ALOX15B: variants seen among roughly 807,000 people sequenced by gnomAD.
ALOX15B encodes polyunsaturated fatty acid lipoxygenase ALOX15B.
In ALOX15B, 74 loss-of-function variants were observed where a neutral mutation model predicts 73.8. That is an observed-to-expected ratio of 1.00 (90% CI 0.83 to 1.22). ALOX15B has a LOEUF of 1.22. Among genes scored for constraint, ALOX15B ranks in the 50% most tolerant of loss-of-function variants. The pLI, the probability that ALOX15B is intolerant of heterozygous loss-of-function variation, is 0.00. For missense variants in ALOX15B, 896 were observed against 859.9 expected, an observed-to-expected ratio of 1.04 and a Z score of -0.52; for synonymous variants, 353 against 357.2, an observed-to-expected ratio of 0.99 and a Z score of 0.13.
In ALOX15B at chr17:8,047,311, A is replaced by G. The variant is rs1976637791; in HGVS notation, c.1511A>G (p.Asp504Gly). Residue 504 changes from aspartate to glycine, a missense_variant, in exon 11 of 14, where the codon GAT (aspartate) becomes GGT (glycine). By Grantham distance (94) the Asp-to-Gly change is moderately conservative. Transcript: ENST00000380183. ...TACCCAAGTGATGAGTCTGTCCAAGATGACAGAGAGCTCCAGGCCTGGGTC... is the reference window on the plus strand; with the variant it reads ...TACCCAAGTGATGAGTCTGTCCAAGGTGACAGAGAGCTCCAGGCCTGGGTC... The part of the protein sequence containing the change: ...IYYPSDESVQ[D>G]DRELQAWVRE... 1.9e-6 allele frequency: 3 copies of G among 1,613,970 alleles called. No homozygotes were observed. Among genetic ancestry groups the G allele is most frequent in the East Asian group, 2.2e-5 (1 of 44,888 alleles).
Position 8,039,292 on chromosome 17 carries a change from C to T in ALOX15B, c.137C>T (p.Thr46Ile). The change falls in exon 1 of 14, where the codon ACT becomes ATT. Residue 46 changes from threonine (T) to isoleucine (I), a missense_variant. Physicochemically the swap from Thr to Ile is moderately conservative, Grantham distance 89. Transcript: ENST00000380183. Reference sequence around the variant, plus strand: ...CTGGACAATCTCGGCAAGGAGTTCACTGCGGGCGCTGTGAGTGCGTGGGAG... The same window carrying T: ...CTGGACAATCTCGGCAAGGAGTTCATTGCGGGCGCTGTGAGTGCGTGGGAG... ...LPLDNLGKEF[T>I]AGAEEDFQVT... The T allele has an allele frequency of 6.3e-7, 1 of 1,585,944 alleles. No individual in the cohort carries two copies.
At chr17:8,042,203 C>T (rs893108617) in intron 3 of ALOX15B, among the ~76,000 whole-genome samples, 166 bp from the exon 4 acceptor site, 6 of 152,206 alleles carry the variant, frequency 3.9e-5, no homozygotes, top group Admixed American at 2.0e-4. Flanking sequence ...TGGCAGCTCC[C>T]TTGCAGCCTC....
chr17:8,040,906 C>A (rs980236431), intron 3 of ALOX15B, among the ~76,000 whole-genome samples: 1 of 78,902 alleles, frequency 1.3e-5, no homozygotes, highest in Non-Finnish European at 3.5e-5. Context: ...GGAGTTGGGG[C>A]CGCTAGTGAG....
chr17:8,046,744 T>C lies in ALOX15B; in HGVS notation c.1277T>C (p.Val426Ala), dbSNP rs774141527. 1.3e-5 allele frequency: 21 copies of C among 1,613,628 alleles called. No homozygotes were observed. The highest frequency in any genetic ancestry group is 1.2e-5 in the Non-Finnish European group (14 of 1,179,888). The change falls in exon 9 of 14, where the codon GTG becomes GCG. Residue 426 changes from valine (V) to alanine (A), a missense_variant. Coordinates refer to ENST00000380183, the MANE Select transcript of ALOX15B (RefSeq NM_001141.3). Reference protein sequence around the residue: ...ARELLIVPGQVVDRSTGIGIE... With the variant: ...ARELLIVPGQAVDRSTGIGIE... ...GAGCTGCTTATCGTGCCAGGGCAGG[T>C]GGTGGACAGGGTGAGAGCTGTGTTG...
rs1247893584 is a variant in ALOX15B, at chr17:8,044,906, C to T, written c.754C>T (p.Arg252Cys). Residue 252 changes from arginine (R) to cysteine (C), a missense_variant, in exon 6 of 14, where the codon CGC (arginine) becomes TGC (cysteine). Transcript: ENST00000380183. ...GAATGGTCTCAACCCTGTCCTGATCCGCCGCTGTCACTACCTCCCAAAGAA... is the reference window on the plus strand; with the variant it reads ...GAATGGTCTCAACCCTGTCCTGATCTGCCGCTGTCACTACCTCCCAAAGAA... ...FLNGLNPVLI[R>C]RCHYLPKNFP... is the part of the protein sequence containing the mutation. 14 of 1,613,984 alleles carry T rather than the reference C, an allele frequency of 8.7e-6. No individual in the cohort carries two copies. Among genetic ancestry groups the T allele is most frequent in the East Asian group, 4.5e-5 (2 of 44,892 alleles).
Position 8,039,609 on chromosome 17 carries a change from AGGGGC to A in ALOX15B, c.367+8_367+12del. 6 of 618,130 alleles carry A rather than the reference AGGGGC, an allele frequency of 9.7e-6. No individual in the cohort carries two copies. Among genetic ancestry groups the A allele is most frequent in the Non-Finnish European group, 1.3e-5 (6 of 467,130 alleles). The allele number at this position is 618,130 out of a possible 1,614,324, so 38.3% of individuals were successfully genotyped here. The stretch of plus-strand genomic sequence containing the variant: ...CTGGTGCTGCAGGAGGGTACAGGTG[AGGGGC>A]GGGCCGGGCTGGGGCTGCAGGGGGA... On this transcript the variant is annotated splice_donor_5th_base_variant and intron_variant, in intron 2 of 13. Transcript: ENST00000380183.
intron 3 of ALOX15B, among the ~76,000 whole-genome samples, chr17:8,041,430 G>A (rs889545007): frequency 2.0e-5 from 3 of 152,148 alleles, no homozygotes; most frequent in African/African-American, 2.4e-5. Context: ...CTTATAAAAC[G>A]TACAGTGAGG....
rs368381886 is a variant in ALOX15B at position 8,047,825 on chromosome 17, C to A, written c.1761C>A (p.Cys587Ter). Residue 587 changes from cysteine to a stop codon, truncating the protein, a stop_gained, in exon 13 of 14, where the codon TGC (cysteine) becomes TGA (stop). Transcript: ENST00000380183. LOFTEE classifies it high-confidence loss of function. ...CCACCTCCAAAGGCCTGGCAACATG[C>A]GAGGGCTTCATAGCCACCCTCCCAC... The part of the protein sequence containing the change: ...PPPTSKGLAT[C>*]EGFIATLPPV... 11 of 1,614,146 alleles carry A rather than the reference C, an allele frequency of 6.8e-6. No homozygotes were observed. Among genetic ancestry groups the A allele is most frequent in the African/African-American group, 4.0e-5 (3 of 75,040 alleles).
At chr17:8,040,840 G>A (rs577480349) in intron 3 of ALOX15B, among the ~76,000 whole-genome samples, 26 of 152,258 alleles carry the variant, frequency 1.7e-4, no homozygotes, top group Admixed American at 1.3e-4. Context: ...CTCTCTCTGT[G>A]CTCTGGGCTC....
chr17:8,047,188 A>G, intron 10 of ALOX15B, 70 bp from the exon 11 acceptor site: 3 of 1,609,576 alleles, frequency 1.9e-6, no homozygotes, highest in Non-Finnish European at 2.5e-6. Flanking sequence ...GACATTCATG[A>G]TGCTAAGCAG....
Position 8,047,590 on chromosome 17 carries a change from G to A in ALOX15B, c.1606G>A (p.Glu536Lys). The change falls in exon 12 of 14, where the codon GAA (glutamate) becomes AAA (lysine). Residue 536 changes from glutamate (E) to lysine (K), a missense_variant. Transcript: ENST00000380183. ...SGIPSSLETR[E>K]ALVQYVTMVI... ...TATACCCTCCTCACTGGAGACCCGG[G>A]AAGCCCTGGTGCAGTATGTCACCAT... 6.2e-7 allele frequency: 1 copy of A among 1,609,044 alleles called. No homozygotes were observed. The highest frequency in any genetic ancestry group is 8.5e-7 in the Non-Finnish European group (1 of 1,177,690).
intron 3 of ALOX15B, among the ~76,000 whole-genome samples, chr17:8,040,655 A>G (rs371031698): frequency 2.5e-5 from 3 of 121,876 alleles, no homozygotes; most frequent in Admixed American, 1.6e-4. Context: ...AAGAAAGAAA[A>G]GAAAGAGAAA....
intron 5 of ALOX15B, among the ~76,000 whole-genome samples, chr17:8,043,096 G>A (rs1976506013): frequency 6.6e-6 from 1 of 152,218 alleles, no homozygotes; most frequent in African/African-American, 2.4e-5. Context: ...CATTTGTTGA[G>A]CTGCTACATA....
chr17:8,047,804 C>T lies in ALOX15B; in HGVS notation c.1740C>T (p.Thr580=), dbSNP rs1287630020. Residue 580 remains threonine (T), a synonymous_variant, in exon 13 of 14, where the codon ACC becomes ACT. Coordinates refer to ENST00000380183, the MANE Select transcript of ALOX15B (RefSeq NM_001141.3). ...LPPSMQLPPP[T]SKGLATCEGF... ...CCAGCATGCAGCTGCCACCACCCAC[C>T]TCCAAAGGCCTGGCAACATGCGAGG... 2 of 1,614,218 alleles carry T rather than the reference C, an allele frequency of 1.2e-6. No homozygotes were observed. The highest frequency in any genetic ancestry group is 1.3e-5 in the African/African-American group (1 of 75,068).
intron 3 of ALOX15B, 71 bp from the exon 4 acceptor site, chr17:8,042,297 GC>G: frequency 6.4e-7 from 1 of 1,573,392 alleles, no homozygotes; most frequent in East Asian, 2.2e-5. Flanking sequence ...CAAGGGGACT[GC>G]CACTCCATCT....
At chr17:8,040,712 G>A in intron 3 of ALOX15B, among the ~76,000 whole-genome samples, 1 of 152,168 alleles carries the variant, frequency 6.6e-6, no homozygotes, top group East Asian at 1.9e-4. Flanking sequence ...TCCTTGCCCT[G>A]GGACTTTTTC....
chr17:8,042,766 C>T lies in ALOX15B; in HGVS notation c.573-15C>T, dbSNP rs1319154009. The T allele has an allele frequency of 6.5e-7, 1 of 1,548,898 alleles. No homozygotes were observed. The highest frequency in any genetic ancestry group is 1.4e-5 in the African/African-American group (1 of 73,344). On this transcript the variant is annotated splice_polypyrimidine_tract_variant and intron_variant, in intron 4 of 13. Coordinates refer to ENST00000380183, the MANE Select transcript of ALOX15B (RefSeq NM_001141.3). ...GGCCTCCTCCCCACTCCCCACCCCT[C>T]ACATCCCCTGGCAGTTTTGCAGAGA...
In ALOX15B at chr17:8,039,547, C is replaced by A. The variant is rs759415034; in HGVS notation, c.309C>A (p.Leu103=). 1 of 1,541,134 alleles carries A rather than the reference C, an allele frequency of 6.5e-7. No homozygotes were observed. The highest frequency in any genetic ancestry group is 2.4e-5 in the East Asian group (1 of 40,898). The change falls in exon 2 of 14, where the codon CTC becomes CTA. Residue 103 remains leucine, a synonymous_variant. Coordinates refer to ENST00000380183, the MANE Select transcript of ALOX15B (RefSeq NM_001141.3). ...QLTPPRGGHL[L]FPCYQWLEGA... ...CACCGCCGCGGGGCGGCCACCTCCTCTTCCCCTGCTACCAGTGGCTGGAGG... is the reference window on the plus strand; with the variant it reads ...CACCGCCGCGGGGCGGCCACCTCCTATTCCCCTGCTACCAGTGGCTGGAGG...
chr17:8,045,686 G>A lies in ALOX15B; in HGVS notation c.1200G>A (p.Lys400=), dbSNP rs1976590174. 2.5e-6 allele frequency: 4 copies of A among 1,613,364 alleles called. No individual in the cohort carries two copies. Among genetic ancestry groups the A allele is most frequent in the Middle Eastern group, 1.7e-4 (1 of 5,718 alleles). Residue 400 remains lysine, a splice_region_variant and synonymous_variant, in exon 8 of 14, where the codon AAG becomes AAA. Transcript: ENST00000380183. ...TGCCCCACTGCCACCCTCTCTTCAA[G>A]GTCAGTGGCTTGACAAGGTGGCCCA... The part of the protein sequence containing the change: ...RQLPHCHPLF[K]LLIPHTRYTL...
Sources: gnomAD v4.1 joint callset for allele counts (sites outside exome capture counted in the v4.1 genomes callset) on GRCh38, gnomAD v4.1.1 for gene constraint, MANE v1.5 for transcripts, NCBI Gene and HGNC (gene_info 2026-07-23, HGNC 2026-07-21) for gene names.